Variants in CLASP2 observed in about 807,000 individuals in gnomAD.
CLASP2 encodes the protein CLIP-associating protein 2.
In CLASP2, 47 loss-of-function variants were observed where a neutral mutation model predicts 194.4. The ratio of observed to expected loss-of-function variants is 0.24; its 90% confidence interval spans 0.19 to 0.31. The LOEUF is 0.31. Ranked by LOEUF, CLASP2 falls within the 10% of genes least tolerant of loss-of-function variation. CLASP2 has a pLI of 1.00. For synonymous variants in CLASP2, 619 were observed against 633.5 expected, an observed-to-expected ratio of 0.98 and a Z score of 0.34; for missense variants, 1,445 against 1,823.6, an observed-to-expected ratio of 0.79 and a Z score of 3.78.
intron 27 of CLASP2, among the ~76,000 whole-genome samples, chr3:33,565,683 A>T (rs1448843468): frequency 6.6e-6 from 1 of 151,910 alleles, no homozygotes; most frequent in African/African-American, 2.4e-5. Context: ...GTGGTGGCAC[A>T]TGCCTGTAAT....
At chr3:33,540,859 G>A (rs2058234265) in intron 32 of CLASP2, among the ~76,000 whole-genome samples, 1 of 149,146 alleles carries the variant, frequency 6.7e-6, no homozygotes, top group Non-Finnish European at 1.5e-5. Context: ...TGCAACCTCT[G>A]CCTCCTGGGT....
At chr3:33,626,428 T>C (rs1436665027) in intron 10 of CLASP2, among the ~76,000 whole-genome samples, 2 of 152,192 alleles carry the variant, frequency 1.3e-5, no homozygotes, top group African/African-American at 4.8e-5. Flanking sequence ...AATATTATTT[T>C]AAATTTTATC....
At chr3:33,646,993 A>G (rs2082382712) in intron 7 of CLASP2, among the ~76,000 whole-genome samples, 1 of 152,198 alleles carries the variant, frequency 6.6e-6, no homozygotes, top group African/African-American at 2.4e-5. Context: ...TTGGAAGGAT[A>G]ATGTTTGGAA....
At chr3:33,560,996 AGG>A (rs1338641299) in intron 27 of CLASP2, 25 bp from the exon 28 acceptor site, 1 of 1,603,194 alleles carries the variant, frequency 6.2e-7, no homozygotes, top group Non-Finnish European at 8.5e-7. Flanking sequence ...GGGGAGAGGT[AGG>A]GAGAAAAAAA....
chr3:33,689,105 G>A (rs569068172), intron 3 of CLASP2, among the ~76,000 whole-genome samples: 1 of 151,214 alleles, frequency 6.6e-6, no homozygotes, highest in South Asian at 2.1e-4. Flanking sequence ...TCTTTCTGGA[G>A]TCTGTATTCA....
chr3:33,517,103 C>G lies in CLASP2; in HGVS notation c.3859G>C (p.Glu1287Gln). The change falls in exon 35 of 39, where the codon GAA becomes CAA. Residue 1287 changes from glutamate (E) to glutamine (Q), a missense_variant. Around this residue, in one of 4 missense-constraint regions of CLASP2, gnomAD observed 732 missense variants for 987.9 expected, o/e 0.74. Coordinates refer to ENST00000682230, the MANE Select transcript of CLASP2 (RefSeq NM_001365631.1). ...TCATAGAGGGCAATTTTTCTTTCTT[C>G]TACACGCTCATTATGGTTAGACAGC... ...KELSNHNERVEERKIALYELM... is the reference protein window; with the variant it reads ...KELSNHNERVQERKIALYELM... The G allele has an allele frequency of 6.2e-7, 1 of 1,613,648 alleles. No individual in the cohort carries two copies. Among genetic ancestry groups the G allele is most frequent in the Non-Finnish European group, 8.5e-7 (1 of 1,179,772 alleles).
chr3:33,660,281 G>A (rs1050242674), intron 7 of CLASP2, among the ~76,000 whole-genome samples: 3 of 152,102 alleles, frequency 2.0e-5, no homozygotes, highest in African/African-American at 7.2e-5. Flanking sequence ...CTACAGGGCT[G>A]GTGTTCCCTC....
At chr3:33,559,631 A>T (rs1401863372) in intron 28 of CLASP2, among the ~76,000 whole-genome samples, 1 of 152,234 alleles carries the variant, frequency 6.6e-6, no homozygotes, top group Non-Finnish European at 1.5e-5. Context: ...GCGGTGGCTC[A>T]CGCTTGTATT....
intron 30 of CLASP2, among the ~76,000 whole-genome samples, chr3:33,549,433 C>A (rs985511415): frequency 8.5e-5 from 13 of 152,168 alleles, no homozygotes; most frequent in Non-Finnish European, 1.3e-4. Flanking sequence ...CATTTTCATT[C>A]ATCTCAATGT....
At chr3:33,660,172 A>G (rs1345976858) in intron 7 of CLASP2, among the ~76,000 whole-genome samples, 3 of 152,222 alleles carry the variant, frequency 2.0e-5, no homozygotes, top group Non-Finnish European at 2.9e-5. Context: ...GTTAGTGTTT[A>G]CATCCTTGGT....
chr3:33,547,171 A>G (rs368585002), intron 30 of CLASP2, among the ~76,000 whole-genome samples: 1 of 152,210 alleles, frequency 6.6e-6, no homozygotes, highest in African/African-American at 2.4e-5. Context: ...TTATACTCCC[A>G]TAATTCCCAC....
At chr3:33,565,682 C>T (rs1560058734) in intron 27 of CLASP2, among the ~76,000 whole-genome samples, 1 of 151,862 alleles carries the variant, frequency 6.6e-6, no homozygotes, top group Non-Finnish European at 1.5e-5. Flanking sequence ...CGTGGTGGCA[C>T]ATGCCTGTAA....
At chr3:33,670,905 T>C (rs2087044140) in intron 6 of CLASP2, among the ~76,000 whole-genome samples, 2 of 152,160 alleles carry the variant, frequency 1.3e-5, no homozygotes, top group Admixed American at 1.3e-4. Context: ...CATTTTGAAA[T>C]ATGTGAGTGT....
chr3:33,687,399 G>A (rs534594230), intron 4 of CLASP2, among the ~76,000 whole-genome samples: 4 of 152,314 alleles, frequency 2.6e-5, no homozygotes, highest in Admixed American at 6.5e-5. Context: ...AGATTAAAAT[G>A]TTCAACAATG....
intron 25 of CLASP2, among the ~76,000 whole-genome samples, chr3:33,572,754 T>C (rs2064036150): frequency 6.6e-6 from 1 of 152,124 alleles, no homozygotes; most frequent in Non-Finnish European, 1.5e-5. Flanking sequence ...CTTCTTCTCA[T>C]TGAAAAACTT....
At chr3:33,551,165 C>A in intron 30 of CLASP2, 87 bp downstream of exon 30, 1 of 1,196,264 alleles carries the variant, frequency 8.4e-7, no homozygotes, top group Non-Finnish European at 1.2e-6. Flanking sequence ...TGCTAAGGTC[C>A]TGAAAATATT....
At chr3:33,708,610 G>A (rs2092847835) in intron 1 of CLASP2, among the ~76,000 whole-genome samples, 1 of 150,076 alleles carries the variant, frequency 6.7e-6, no homozygotes, top group Non-Finnish European at 1.5e-5. Context: ...CCATTCATCT[G>A]TTTATGGACA....
At chr3:33,674,386 T>C (rs1201437175) in intron 6 of CLASP2, among the ~76,000 whole-genome samples, 1 of 151,834 alleles carries the variant, frequency 6.6e-6, no homozygotes, top group African/African-American at 2.4e-5. Context: ...AGATGTTCTT[T>C]GAAACCAACG....
At chr3:33,515,288 G>A (rs912508700) in intron 36 of CLASP2, among the ~76,000 whole-genome samples, 1 of 151,814 alleles carries the variant, frequency 6.6e-6, no homozygotes, top group Non-Finnish European at 1.5e-5. Context: ...TTACCTAATC[G>A]ATGTCACTGG....
Sources: allele counts gnomAD v4.1 joint callset (sites outside exome capture counted in the v4.1 genomes callset), GRCh38; gene constraint gnomAD v4.1.1; regional missense constraint gnomAD v4.1.1; transcripts MANE v1.5; gene names NCBI Gene and HGNC (gene_info 2026-07-23, HGNC 2026-07-21).